Variants in EPB42 observed in about 807,000 individuals in gnomAD.
EPB42 encodes the protein protein 4.2.
Under a neutral mutation model 76.9 loss-of-function variants are expected in EPB42, and 49 were observed. The ratio of observed to expected loss-of-function variants is 0.64; its 90% confidence interval spans 0.51 to 0.81. The LOEUF (loss-of-function observed/expected upper bound fraction) is 0.81, where lower values mean the gene tolerates loss of function less well. Among genes scored for constraint, EPB42 ranks in the 30% least tolerant of loss-of-function variants. The pLI is 0.00. For synonymous variants in EPB42, 310 were observed against 338.4 expected, an observed-to-expected ratio of 0.92 and a Z score of 0.92; for missense variants, 731 against 867.6, an observed-to-expected ratio of 0.84 and a Z score of 1.98.
chr15:43,211,378 G>C (rs2042293305), intron 4 of EPB42, 38 bp downstream of exon 4: 2 of 1,280,526 alleles, frequency 1.6e-6, no homozygotes, highest in African/African-American at 1.5e-5. Flanking sequence ...TTATGGGACA[G>C]TCACTCTACA....
chr15:43,202,554 C>T (rs921999170), intron 11 of EPB42, among the ~76,000 whole-genome samples: 2 of 152,202 alleles, frequency 1.3e-5, no homozygotes, highest in African/African-American at 4.8e-5. Context: ...CTTTGTGCAT[C>T]TATTAAAGCA....
At chr15:43,219,187 T>TGAAGAGGCGCGGA (rs2042421838) in intron 1 of EPB42, among the ~76,000 whole-genome samples, 1 of 152,110 alleles carries the variant, frequency 6.6e-6, no homozygotes, top group Admixed American at 6.6e-5. Flanking sequence ...CGCAGAGCTG[T>TGAAGAGGCGCGGA]GAAGAGGCGC....
chr15:43,200,124 G>A (rs2042104855), intron 12 of EPB42, among the ~76,000 whole-genome samples: 1 of 152,300 alleles, frequency 6.6e-6, no homozygotes, highest in East Asian at 1.9e-4. Context: ...GTGGTGTTTG[G>A]AGCCTTGTCA....
chr15:43,220,780 G>C, intron 1 of EPB42, 36 bp downstream of exon 1: 1 of 1,612,852 alleles, frequency 6.2e-7, no homozygotes, highest in Non-Finnish European at 8.5e-7. Flanking sequence ...GCTGCATACA[G>C]TCCAGCAAGC....
In EPB42 at chr15:43,215,179, G is replaced by A. The variant is rs886051169; in HGVS notation, c.346C>T (p.His116Tyr). ...GAGACCTGCAGCAGAAGCGAGTAGT[G>A]GCCAATGACAGCGTCCGCAGGTGTG... ...VTTPADAVIG[H>Y]YSLLLQVSGR... The change falls in exon 3 of 13, where the codon CAC becomes TAC. Residue 116 changes from histidine (H) to tyrosine (Y), a missense_variant. Coordinates refer to ENST00000441366, the MANE Select transcript of EPB42 (RefSeq NM_001114134.2). The A allele has an allele frequency of 2.5e-6, 4 of 1,614,132 alleles. No individual in the cohort carries two copies. Among genetic ancestry groups the A allele is most frequent in the Non-Finnish European group, 3.4e-6 (4 of 1,180,064 alleles).
rs1021866885 is a variant in EPB42 at position 43,206,967 on chromosome 15, T to G, written c.1318+232A>C. On this transcript the variant is annotated intron_variant, in intron 9 of 12. Coordinates refer to ENST00000441366, the MANE Select transcript of EPB42 (RefSeq NM_001114134.2). The surrounding 1 kb of genome is among the most constrained non-coding windows in gnomAD (Gnocchi z 4.7). ...CTGAATTTTCCTATGTGAAAGAATT[T>G]AGACTTCCTCTGAGGGTCAGGAATG... Among the ~76,000 whole-genome samples, 3 of 152,212 alleles carry G rather than the reference T, an allele frequency of 2.0e-5. No homozygotes were observed. Among genetic ancestry groups the G allele is most frequent in the Admixed American group, 2.0e-4 (3 of 15,282 alleles).
Position 43,206,006 on chromosome 15 carries a change from A to G in EPB42, c.1618+324T>C, listed in dbSNP as rs1298466308. On this transcript the variant is annotated intron_variant, in intron 10 of 12. Transcript: ENST00000441366. The surrounding 1 kb of genome is among the most constrained non-coding windows in gnomAD (Gnocchi z 4.7). Reference sequence around the variant, plus strand: ...ATCCTTCCAGATTCCATGCAGTACAATTTATTTGGGGGCAGCTTATTCCAG... The same window carrying G: ...ATCCTTCCAGATTCCATGCAGTACAGTTTATTTGGGGGCAGCTTATTCCAG... 1.1e-5 allele frequency: 3 copies of G among 274,738 alleles called. No homozygotes were observed. Among genetic ancestry groups the G allele is most frequent in the East Asian group, 6.7e-5 (1 of 14,852 alleles). 17.0% of individuals were successfully genotyped at this position (274,738 alleles called of 1,614,324 possible). A position where few individuals can be genotyped will look rare whatever the true frequency, so the allele number is the denominator to read the frequency against.
chr15:43,214,635 T>A (rs866069147), intron 3 of EPB42, among the ~76,000 whole-genome samples: 1 of 152,050 alleles, frequency 6.6e-6, no homozygotes, highest in Non-Finnish European at 1.5e-5. Context: ...CCAGATTGCA[T>A]CAGCTTCAGG....
chr15:43,215,446 G>A (rs748821337), intron 2 of EPB42, 118 bp from the exon 3 acceptor site: 24 of 1,067,148 alleles, frequency 2.2e-5, no homozygotes, highest in Non-Finnish European at 3.4e-5. Flanking sequence ...GATAATGAAA[G>A]TGACCCACCT....
upstream of EPB42, among the ~76,000 whole-genome samples, chr15:43,222,631 A>G (rs145619165): frequency 2.0e-5 from 3 of 152,356 alleles, no homozygotes; most frequent in Admixed American, 6.5e-5. Flanking sequence ...TAAGATAATA[A>G]TAAAGTGTGA....
In EPB42 at chr15:43,208,791, C is replaced by T. The variant is rs368429297; in HGVS notation, c.833-16G>A. On this transcript the variant is annotated splice_polypyrimidine_tract_variant and intron_variant, in intron 6 of 12. Coordinates refer to ENST00000441366, the MANE Select transcript of EPB42 (RefSeq NM_001114134.2). Reference sequence around the variant, plus strand: ...CATCGCAGCACTGTGAGAAGAGGGGCGGAGTGTCAGGGGGCGCTTGAGAGA... The same window carrying T: ...CATCGCAGCACTGTGAGAAGAGGGGTGGAGTGTCAGGGGGCGCTTGAGAGA... The T allele has an allele frequency of 5.0e-6, 8 of 1,612,984 alleles. No individual in the cohort carries two copies. Among genetic ancestry groups the T allele is most frequent in the African/African-American group, 2.7e-5 (2 of 74,894 alleles).
chr15:43,210,287 C>A (rs1567278345), intron 5 of EPB42, 48 bp downstream of exon 5: 1 of 1,560,038 alleles, frequency 6.4e-7, no homozygotes, highest in Non-Finnish European at 8.8e-7. Flanking sequence ...TCTCAGAGGG[C>A]TTTTTTCTCA....
chr15:43,207,442 C>G lies in EPB42; in HGVS notation c.1076-1G>C. On this transcript the variant is annotated splice_acceptor_variant, in intron 8 of 12. Coordinates refer to ENST00000441366, the MANE Select transcript of EPB42 (RefSeq NM_001114134.2). LOFTEE classifies it high-confidence loss of function. ...GGCACCAGATCACAGGACCCCAGGA[C>G]TGAGGGAGAGAAAGGTTGGTGAGCA... 1 of 1,613,712 alleles carries G rather than the reference C, an allele frequency of 6.2e-7. No individual in the cohort carries two copies. The highest frequency in any genetic ancestry group is 8.5e-7 in the Non-Finnish European group (1 of 1,180,036).
At chr15:43,220,661 C>CCCCCCCCCTT in intron 1 of EPB42, 155 bp downstream of exon 1, 1 of 1,035,406 alleles carries the variant, frequency 9.7e-7, no homozygotes. Context: ...CCCCCCCCCA[C>CCCCCCCCCTT]AGCCACCTCA....
chr15:43,208,175 G>T, intron 8 of EPB42, 55 bp downstream of exon 8: 1 of 1,512,638 alleles, frequency 6.6e-7, no homozygotes, highest in Admixed American at 1.7e-5. Context: ...GTCCTCTCTG[G>T]GGACTTCAGC....
intron 1 of EPB42, among the ~76,000 whole-genome samples, chr15:43,218,076 T>C (rs1353513615): frequency 1.3e-5 from 2 of 152,128 alleles, no homozygotes; most frequent in Non-Finnish European, 2.9e-5. Context: ...GGTCAGGCCA[T>C]GGCTATAGAT....
intron 2 of EPB42, 128 bp from the exon 3 acceptor site, chr15:43,215,456 T>G: frequency 1.1e-6 from 1 of 938,544 alleles, no homozygotes; most frequent in Non-Finnish European, 1.7e-6. Flanking sequence ...GTGACCCACC[T>G]AGAAATGAGG....
At chr15:43,202,889 A>G (rs949738196) in intron 11 of EPB42, among the ~76,000 whole-genome samples, 23 of 152,216 alleles carry the variant, frequency 1.5e-4, no homozygotes, top group African/African-American at 5.5e-4. Flanking sequence ...AGTAACTGGG[A>G]AGGCCCCAAT....
intron 1 of EPB42, among the ~76,000 whole-genome samples, chr15:43,216,926 G>A (rs1426251937): frequency 9.2e-5 from 14 of 152,190 alleles, no homozygotes; most frequent in Admixed American, 7.9e-4. Flanking sequence ...GATGAGAAGA[G>A]TGAGGCTGAG....
Sources: allele counts gnomAD v4.1 joint callset (sites outside exome capture counted in the v4.1 genomes callset), GRCh38; gene constraint gnomAD v4.1.1; non-coding constraint Gnocchi (gnomAD v3.1); transcripts MANE v1.5; gene names NCBI Gene and HGNC (gene_info 2026-07-23, HGNC 2026-07-21).